The following TMTC2 variants were observed in gnomAD, a reference collection of about 807,000 sequenced individuals.
The protein encoded by TMTC2 is transmembrane O-mannosyltransferase targeting cadherins 2, also known as protein O-mannosyl-transferase TMTC2.
Under a neutral mutation model 82.4 loss-of-function variants are expected in TMTC2, and 43 were observed. That is an observed-to-expected ratio of 0.52 (90% CI 0.41 to 0.67). TMTC2 has a LOEUF of 0.67. Ranked by LOEUF, TMTC2 falls within the 30% of genes least tolerant of loss-of-function variation. The probability of loss-of-function intolerance (pLI) is 0.00; values close to 1 mark genes in which losing one functional copy is unlikely to be tolerated. For synonymous variants in TMTC2, 408 were observed against 381.9 expected (o/e 1.07, Z -0.80); for missense variants, 919 against 1,012.4 (o/e 0.91, Z 1.25).
chr12:82,784,433 T>G (rs992322896), intron 1 of TMTC2, among the ~76,000 whole-genome samples: 19 of 152,080 alleles, frequency 1.2e-4, no homozygotes, highest in Admixed American at 1.2e-3. Flanking sequence ...GAGTTGGGTA[T>G]TAGGTCTCAT....
At chr12:83,002,823 C>T (rs982063823) in intron 8 of TMTC2, among the ~76,000 whole-genome samples, 5 of 151,084 alleles carry the variant, frequency 3.3e-5, no homozygotes, top group Admixed American at 2.6e-4. Flanking sequence ...TATGGCTGTG[C>T]ATCTGGTCGC....
intron 1 of TMTC2, among the ~76,000 whole-genome samples, chr12:82,790,752 G>A (rs1294695711): frequency 6.6e-6 from 1 of 151,434 alleles, no homozygotes; most frequent in Admixed American, 6.6e-5. Context: ...ACTTGAACCC[G>A]GGAGGCGGAG....
intron 1 of TMTC2, among the ~76,000 whole-genome samples, chr12:82,764,236 C>A (rs1876819450): frequency 1.3e-5 from 2 of 152,236 alleles, no homozygotes; most frequent in African/African-American, 4.8e-5. Flanking sequence ...CTCCCGGGTT[C>A]AAGCTATTCT....
chr12:82,840,521 G>T (rs1377455762), intron 1 of TMTC2, among the ~76,000 whole-genome samples: 1 of 152,130 alleles, frequency 6.6e-6, no homozygotes, highest in Non-Finnish European at 1.5e-5. Context: ...CTTGTACATA[G>T]AAAAAATATT....
At chr12:83,005,520 C>A (rs1217324751) in intron 8 of TMTC2, among the ~76,000 whole-genome samples, 1 of 152,034 alleles carries the variant, frequency 6.6e-6, no homozygotes, top group Non-Finnish European at 1.5e-5. Context: ...TGCCCTTGAA[C>A]CCCCGCTTCA....
chr12:82,847,125 A>G (rs1592570597), intron 1 of TMTC2, among the ~76,000 whole-genome samples: 1 of 152,154 alleles, frequency 6.6e-6, no homozygotes, highest in East Asian at 1.9e-4. Context: ...CCTATTAGCC[A>G]AGTATTTGCA....
chr12:82,808,212 C>T (rs1178179851), intron 1 of TMTC2, among the ~76,000 whole-genome samples: 2 of 151,696 alleles, frequency 1.3e-5, no homozygotes, highest in South Asian at 2.1e-4. Flanking sequence ...AAATTATTAG[C>T]TAAATTACCC....
intron 3 of TMTC2, among the ~76,000 whole-genome samples, chr12:82,904,288 AC>A (rs1349310494): frequency 6.6e-6 from 1 of 152,190 alleles, no homozygotes; most frequent in Non-Finnish European, 1.5e-5. Context: ...ATTCTGGAAT[AC>A]TTCAGTCTAC....
chr12:82,788,101 T>C (rs1878275150), intron 1 of TMTC2, among the ~76,000 whole-genome samples: 1 of 152,028 alleles, frequency 6.6e-6, no homozygotes, highest in African/African-American at 2.4e-5. Context: ...ATTTAAATGA[T>C]TTCCTTACAA....
intron 9 of TMTC2, among the ~76,000 whole-genome samples, chr12:83,031,560 T>A (rs550950668): frequency 4.1e-4 from 63 of 152,190 alleles, no homozygotes; most frequent in Admixed American, 7.9e-4. Flanking sequence ...TGGAATTTCT[T>A]TTAGGGAGCC....
intron 1 of TMTC2, among the ~76,000 whole-genome samples, chr12:82,753,381 C>T (rs182459876): frequency 6.1e-4 from 90 of 146,992 alleles, no homozygotes; most frequent in Admixed American, 6.8e-4. Context: ...AAGAGACTGA[C>T]CATGTGTAAA....
intron 4 of TMTC2, among the ~76,000 whole-genome samples, chr12:82,964,112 T>A (rs1270505102): frequency 6.6e-6 from 1 of 151,576 alleles, no homozygotes; most frequent in Non-Finnish European, 1.5e-5. Context: ...AATCTGCAAT[T>A]TGAGATGATA....
At chr12:83,062,695 T>C (rs1352293454) in intron 11 of TMTC2, among the ~76,000 whole-genome samples, 1 of 151,822 alleles carries the variant, frequency 6.6e-6, no homozygotes, top group East Asian at 1.9e-4. Context: ...TACAGAGATT[T>C]TGTATCTTAA....
chr12:82,934,941 T>G (rs1876238728), intron 4 of TMTC2, among the ~76,000 whole-genome samples: 1 of 152,212 alleles, frequency 6.6e-6, no homozygotes. Flanking sequence ...TATCTCATTG[T>G]GGTATTTCTT....
intron 1 of TMTC2, among the ~76,000 whole-genome samples, chr12:82,829,453 T>C (rs1164920282): frequency 1.3e-5 from 2 of 152,156 alleles, no homozygotes; most frequent in Admixed American, 6.5e-5. Context: ...AGAGTGGCTT[T>C]TCGTTTTCAT....
chr12:83,085,747 A>G lies in TMTC2; in HGVS notation c.2331+23916A>G, dbSNP rs144172049. ...GATAAGAAAGTCATATTTGACATTC[A>G]TTAAATAAACTCAAGGCTACATCCA... On this transcript the variant is annotated intron_variant, in intron 11 of 11. Coordinates refer to ENST00000321196, the MANE Select transcript of TMTC2 (RefSeq NM_152588.3). 5.6e-4 allele frequency among the ~76,000 whole-genome samples: 85 copies of G among 152,368 alleles called. No homozygotes were observed. The East Asian group carries it at 0.015, about 27-fold the overall frequency.
chr12:83,030,633 C>A (rs1355750109), intron 8 of TMTC2, among the ~76,000 whole-genome samples, 165 bp from the exon 9 acceptor site: 1 of 152,010 alleles, frequency 6.6e-6, no homozygotes, highest in Non-Finnish European at 1.5e-5. Flanking sequence ...TGTTCTCTCT[C>A]AACACTTTTT....
At chr12:83,011,680 T>G (rs546322044) in intron 8 of TMTC2, among the ~76,000 whole-genome samples, 1 of 152,166 alleles carries the variant, frequency 6.6e-6, no homozygotes, top group Non-Finnish European at 1.5e-5. Flanking sequence ...CTATAATATC[T>G]TTTTCTTGCC....
At chr12:83,119,607 A>G (rs1311563864) in intron 11 of TMTC2, among the ~76,000 whole-genome samples, 2 of 152,086 alleles carry the variant, frequency 1.3e-5, no homozygotes, top group Non-Finnish European at 1.5e-5. Context: ...GTTGAATACA[A>G]TGTATTCTGT....
Sources: gnomAD v4.1 joint callset for allele counts (sites outside exome capture counted in the v4.1 genomes callset) on GRCh38, gnomAD v4.1.1 for gene constraint, MANE v1.5 for transcripts, NCBI Gene and HGNC (gene_info 2026-07-23, HGNC 2026-07-21) for gene names.